Variants in ITPR1 observed in about 807,000 individuals in gnomAD.
ITPR1 encodes the protein inositol 1,4,5-trisphosphate-gated calcium channel ITPR1.
ITPR1 carries 96 observed loss-of-function variants against 318.4 expected under a neutral mutation model. That is an observed-to-expected ratio of 0.30 (90% CI 0.26 to 0.36). The LOEUF (loss-of-function observed/expected upper bound fraction) is 0.36. Among genes scored for constraint, ITPR1 ranks in the 10% least tolerant of loss-of-function variants. The pLI is 1.00. For synonymous variants in ITPR1, 1,312 were observed against 1,289.9 expected (o/e 1.02, Z -0.37); for missense variants, 2,440 against 3,460.2 (o/e 0.71, Z 7.40).
Position 4,706,446 on chromosome 3 carries a change from G to T in ITPR1, c.4842+95G>T, listed in dbSNP as rs536332311. On this transcript the variant is annotated intron_variant, in intron 37 of 61. Coordinates refer to ENST00000649015, the MANE Select transcript of ITPR1 (RefSeq NM_001378452.1). ...CCTTGAGCCACAGAGCATCTAAGCT[G>T]GGCCGTGGGAAGATGTCGGTGTGCT... 16 of 1,139,148 alleles carry T rather than the reference G, an allele frequency of 1.4e-5. No homozygotes were observed. The African/African-American group carries it at 2.5e-4, about 18-fold the overall frequency. 70.6% of individuals were successfully genotyped at this position (1,139,148 alleles called of 1,614,324 possible).
chr3:4,670,643 T>A, intron 19 of ITPR1, 86 bp from the exon 20 acceptor site: 1 of 1,001,970 alleles, frequency 1.0e-6, no homozygotes, highest in Non-Finnish European at 1.5e-6. Context: ...AAAGTGTCTT[T>A]CCATGTGTCT....
chr3:4,779,487 G>A lies in ITPR1; in HGVS notation c.6292-63G>A. 1 of 1,218,958 alleles carries A rather than the reference G, an allele frequency of 8.2e-7. No individual in the cohort carries two copies. The highest frequency in any genetic ancestry group is 2.4e-5 in the East Asian group (1 of 42,286). 75.5% of individuals were successfully genotyped at this position (1,218,958 alleles called of 1,614,324 possible). On this transcript the variant is annotated intron_variant, in intron 48 of 61. Transcript: ENST00000649015. This position sits in a 1 kb window ranked among gnomAD's most constrained non-coding sequence, Gnocchi z 4.0. ...GCCTCCCATGTGCCAGTTGGCACCT[G>A]CATTCAGGCCGGGCCCCCAAGCAGC...
Position 4,815,783 on chromosome 3 carries a change from C to T in ITPR1, c.7867+565C>T, listed in dbSNP as rs189327113. Among the ~76,000 whole-genome samples, 518 of 152,006 alleles carry T rather than the reference C, an allele frequency of 3.4e-3. 3 individuals carry two copies. The highest frequency in any genetic ancestry group is 0.012 in the African/African-American group (489 of 41,398). ...ATATAGCTACTAAATATATAAATTT[C>T]CTAGTGGTATGTATGCTAAAAAAAA... On this transcript the variant is annotated intron_variant, in intron 59 of 61. Coordinates refer to ENST00000649015, the MANE Select transcript of ITPR1 (RefSeq NM_001378452.1).
chr3:4,499,877 T>C (rs2080889432), intron 2 of ITPR1, among the ~76,000 whole-genome samples: 1 of 152,224 alleles, frequency 6.6e-6, no homozygotes, highest in African/African-American at 2.4e-5. Flanking sequence ...TCTCAAGCAG[T>C]CTTCCTGTGC....
chr3:4,660,713 G>C (rs917197872), intron 13 of ITPR1, among the ~76,000 whole-genome samples: 2 of 152,006 alleles, frequency 1.3e-5, no homozygotes, highest in African/African-American at 4.8e-5. Context: ...CTCATGCTCT[G>C]TTTATGCTGA....
intron 60 of ITPR1, chr3:4,825,907 A>G: frequency 2.5e-6 from 1 of 397,086 alleles, no homozygotes; most frequent in South Asian, 1.8e-5. Flanking sequence ...GGTTTGGGGG[A>G]AAAGATGGTG....
intron 59 of ITPR1, chr3:4,817,568 C>A (rs1190075936): frequency 1.3e-5 from 2 of 152,284 alleles, no homozygotes; most frequent in African/African-American, 2.4e-5. Flanking sequence ...TACGTACAGA[C>A]TAGAATTGCT....
intron 60 of ITPR1, among the ~76,000 whole-genome samples, chr3:4,834,040 C>T (rs1488511633): frequency 6.6e-6 from 1 of 152,124 alleles, no homozygotes; most frequent in Non-Finnish European, 1.5e-5. Flanking sequence ...TACAGGTGCC[C>T]ACCACCACAC....
intron 4 of ITPR1, among the ~76,000 whole-genome samples, chr3:4,614,656 T>A (rs2092314169): frequency 6.6e-6 from 1 of 152,210 alleles, no homozygotes; most frequent in Non-Finnish European, 1.5e-5. Flanking sequence ...AGGTCTAGAT[T>A]TTCTGCTAGA....
chr3:4,538,955 A>T (rs2084140822), intron 4 of ITPR1, among the ~76,000 whole-genome samples: 1 of 152,198 alleles, frequency 6.6e-6, no homozygotes, highest in Admixed American at 6.5e-5. Context: ...ATAGGTTGAT[A>T]GGAGTAGCAA....
intron 60 of ITPR1, among the ~76,000 whole-genome samples, chr3:4,835,654 G>A (rs1048250172): frequency 3.9e-5 from 6 of 152,182 alleles, no homozygotes; most frequent in African/African-American, 1.4e-4. Flanking sequence ...AGGTGAGAAT[G>A]ACACCAGACA....
intron 24 of ITPR1, among the ~76,000 whole-genome samples, chr3:4,678,927 T>C (rs1322274387): frequency 2.0e-5 from 3 of 152,270 alleles, no homozygotes; most frequent in Non-Finnish European, 4.4e-5. Context: ...TTTGGGTGTC[T>C]AAAATGCTAA....
chr3:4,559,910 C>T (rs2086506645), intron 4 of ITPR1, among the ~76,000 whole-genome samples: 1 of 152,146 alleles, frequency 6.6e-6, no homozygotes, highest in Non-Finnish European at 1.5e-5. Context: ...ATGCTAGTCT[C>T]CCCTCCTAAG....
At chr3:4,587,717 T>C (rs1326122680) in intron 4 of ITPR1, among the ~76,000 whole-genome samples, 1 of 152,148 alleles carries the variant, frequency 6.6e-6, no homozygotes, top group Non-Finnish European at 1.5e-5. Context: ...GCCCACAGGA[T>C]AAAGTGAGAA....
chr3:4,549,161 A>G (rs2085311651), intron 4 of ITPR1, among the ~76,000 whole-genome samples: 1 of 152,244 alleles, frequency 6.6e-6, no homozygotes, highest in Non-Finnish European at 1.5e-5. Context: ...AAACTTCTAA[A>G]TACCAATTTG....
intron 4 of ITPR1, among the ~76,000 whole-genome samples, chr3:4,574,658 A>C (rs1467438440): frequency 6.6e-6 from 1 of 152,156 alleles, no homozygotes; most frequent in African/African-American, 2.4e-5. Context: ...ACAGTCAGTT[A>C]ATTCTAAAGG....
chr3:4,598,636 A>T (rs1444753831), intron 4 of ITPR1, among the ~76,000 whole-genome samples: 1 of 152,166 alleles, frequency 6.6e-6, no homozygotes, highest in African/African-American at 2.4e-5. Context: ...AAAATGCAGA[A>T]AAGTTTTAGG....
intron 59 of ITPR1, among the ~76,000 whole-genome samples, chr3:4,815,995 C>T (rs2049275155): frequency 6.8e-6 from 1 of 147,354 alleles, no homozygotes; most frequent in African/African-American, 2.7e-5. Context: ...TACACACACA[C>T]ACACACACAC....
intron 54 of ITPR1, among the ~76,000 whole-genome samples, chr3:4,801,828 C>T (rs181608202): frequency 2.7e-4 from 41 of 152,070 alleles, no homozygotes; most frequent in Non-Finnish European, 5.1e-4. Flanking sequence ...GAGGATCTGG[C>T]CATGAAGCGG....
Sources: gnomAD v4.1 joint callset for allele counts (sites outside exome capture counted in the v4.1 genomes callset) on GRCh38, gnomAD v4.1.1 for gene constraint, Gnocchi (gnomAD v3.1) non-coding constraint, MANE v1.5 for transcripts, NCBI Gene and HGNC (gene_info 2026-07-23, HGNC 2026-07-21) for gene names.